The following KIRREL3 variants were observed in gnomAD, a reference collection of about 807,000 sequenced individuals.
KIRREL3 encodes the protein kirre like nephrin family adhesion molecule 3.
Under a neutral mutation model 89.7 loss-of-function variants are expected in KIRREL3, and 36 were observed. The ratio of observed to expected loss-of-function variants is 0.40; its 90% CI spans 0.31 to 0.53. The LOEUF (loss-of-function observed/expected upper bound fraction) is 0.53. KIRREL3 is among the 20% of genes least tolerant of loss of function. KIRREL3 has a pLI of 0.49. For missense variants in KIRREL3, 864 were observed against 1,056.6 expected, an observed-to-expected ratio of 0.82 and a Z score of 2.53; for synonymous variants, 445 against 441.4, an observed-to-expected ratio of 1.01 and a Z score of -0.10.
chr11:126,929,958 C>G (rs953412269), intron 1 of KIRREL3, among the ~76,000 whole-genome samples: 26 of 152,192 alleles, frequency 1.7e-4, no homozygotes, highest in African/African-American at 5.8e-4. Context: ...ACCCCCCCCC[C>G]CCCACCTCAC....
chr11:126,604,356 G>A (rs147931009), intron 1 of KIRREL3, among the ~76,000 whole-genome samples: 8 of 152,344 alleles, frequency 5.3e-5, no homozygotes, highest in African/African-American at 1.9e-4. Context: ...CATACTGGCT[G>A]CATTGCATTT....
Position 126,527,981 on chromosome 11 carries a change from C to T in KIRREL3, c.134-1294G>A, listed in dbSNP as rs990627235. Among the ~76,000 whole-genome samples the T allele has an allele frequency of 6.6e-6, 1 of 152,156 alleles. No individual in the cohort carries two copies. Among genetic ancestry groups the T allele is most frequent in the Non-Finnish European group, 1.5e-5 (1 of 68,026 alleles). ...AGTACAACCAGTACTTCATACAACC[C>T]CTCCTGTAATCCACTTAATTATACT... is the stretch of plus-strand genomic sequence containing the variant. On this transcript the variant is annotated intron_variant, in intron 2 of 16. Transcript: ENST00000525144. The surrounding 1 kb of genome is among the most constrained non-coding windows in gnomAD (Gnocchi z 4.2).
At chr11:126,718,374 G>T (rs991532373) in intron 1 of KIRREL3, among the ~76,000 whole-genome samples, 2 of 152,228 alleles carry the variant, frequency 1.3e-5, no homozygotes, top group African/African-American at 4.8e-5. Context: ...CCAAGAGGCT[G>T]CACGGAAATG....
intron 6 of KIRREL3, among the ~76,000 whole-genome samples, chr11:126,460,334 TGCGCTAGGGG>T (rs1956501791): frequency 6.6e-6 from 1 of 152,176 alleles, no homozygotes; most frequent in African/African-American, 2.4e-5. Context: ...TGTCAGACAC[TGCGCTAGGGG>T]GCTTGACAGG....
Position 126,570,246 on chromosome 11 carries a change from T to C in KIRREL3, c.56-7334A>G, listed in dbSNP as rs1345510259. On this transcript the variant is annotated intron_variant, in intron 1 of 16. Transcript: ENST00000525144. The surrounding 1 kb of genome is among the most constrained non-coding windows in gnomAD (Gnocchi z 6.1). ...TTGTTGTAAAGACATAATTGCTTCTTCATTGCTTATTTCATATGAGTTAAT... is the reference window on the plus strand; with the variant it reads ...TTGTTGTAAAGACATAATTGCTTCTCCATTGCTTATTTCATATGAGTTAAT... Among the ~76,000 whole-genome samples, 1 of 152,184 alleles carries C rather than the reference T, an allele frequency of 6.6e-6. No individual in the cohort carries two copies. Among genetic ancestry groups the C allele is most frequent in the Admixed American group, 6.5e-5 (1 of 15,280 alleles).
intron 1 of KIRREL3, among the ~76,000 whole-genome samples, chr11:126,922,538 C>T (rs1475752439): frequency 3.3e-5 from 5 of 152,016 alleles, no homozygotes; most frequent in African/African-American, 1.2e-4. Context: ...CGTTCCCTCC[C>T]ATACAAGGTG....
At position 126,888,910 on chromosome 11, in the gene KIRREL3, T is replaced by A. The variant is rs186200906; in HGVS notation, c.55+111545A>T. On this transcript the variant is annotated intron_variant, in intron 1 of 16. Transcript: ENST00000525144. Reference sequence around the variant, plus strand: ...CTCATGTTGATGTTCCTAACACTCCTATGGGGTGGGCAGGGAAGGCCTTAT... The same window carrying A: ...CTCATGTTGATGTTCCTAACACTCCAATGGGGTGGGCAGGGAAGGCCTTAT... 5.6e-3 allele frequency among the ~76,000 whole-genome samples: 859 copies of A among 152,316 alleles called. 4 individuals carry two copies. The highest frequency in any genetic ancestry group is 0.021 in the South Asian group (103 of 4,828).
chr11:126,473,341 C>T lies in KIRREL3; in HGVS notation c.559G>A (p.Gly187Arg). The part of the protein sequence containing the change: ...PAASIIWLRK[G>R]EVINGATYSK... ...TAGGTGGCCCCATTGATGACCTCTCCCTTTCGCAACCAGATGATGGAGGCT... is the reference window on the plus strand; with the variant it reads ...TAGGTGGCCCCATTGATGACCTCTCTCTTTCGCAACCAGATGATGGAGGCT... The change falls in exon 5 of 17, where the codon GGA (glycine) becomes AGA (arginine). Residue 187 changes from glycine to arginine, a missense_variant. Gly to Arg is a moderately radical substitution (Grantham distance 125). Transcript: ENST00000525144. The T allele has an allele frequency of 6.5e-7, 1 of 1,528,426 alleles. No homozygotes were observed. The highest frequency in any genetic ancestry group is 8.8e-7 in the Non-Finnish European group (1 of 1,136,698). 94.7% of individuals were successfully genotyped at this position (1,528,426 alleles called of 1,614,324 possible). A position where few individuals can be genotyped will look rare whatever the true frequency, so the allele number is the denominator to read the frequency against.
intron 11 of KIRREL3, among the ~76,000 whole-genome samples, chr11:126,437,729 T>G (rs1955411346): frequency 6.6e-6 from 1 of 152,050 alleles, no homozygotes; most frequent in Non-Finnish European, 1.5e-5. Context: ...CATGTACACA[T>G]GCACACACAC....
chr11:126,928,355 G>A (rs906578109), intron 1 of KIRREL3, among the ~76,000 whole-genome samples: 3 of 152,210 alleles, frequency 2.0e-5, no homozygotes, highest in Non-Finnish European at 2.9e-5. Context: ...AGTTGACTGG[G>A]GCCAGATGTC....
rs1939249785 is a variant in KIRREL3, at chr11:126,551,388, T to C, written c.133+11447A>G. Among the ~76,000 whole-genome samples, 1 of 152,130 alleles carries C rather than the reference T, an allele frequency of 6.6e-6. No individual in the cohort carries two copies. The highest frequency in any genetic ancestry group is 1.5e-5 in the Non-Finnish European group (1 of 68,020). The stretch of plus-strand genomic sequence containing the variant: ...GATCCTGTTTCCCGAGGCCTGCCCC[T>C]GAGGCCTAACACACCCAACATATGG... On this transcript the variant is annotated intron_variant, in intron 2 of 16. Coordinates refer to ENST00000525144, the MANE Select transcript of KIRREL3 (RefSeq NM_032531.4). This position sits in a 1 kb window ranked among gnomAD's most constrained non-coding sequence, Gnocchi z 4.9.
intron 1 of KIRREL3, among the ~76,000 whole-genome samples, chr11:126,838,932 C>T (rs995403199): frequency 1.2e-4 from 19 of 152,196 alleles, no homozygotes; most frequent in African/African-American, 4.6e-4. Flanking sequence ...GTGTCTCTCA[C>T]ATTCCTGCTC....
intron 1 of KIRREL3, among the ~76,000 whole-genome samples, chr11:126,693,731 A>C (rs969981720): frequency 1.3e-5 from 2 of 152,206 alleles, no homozygotes; most frequent in Admixed American, 6.5e-5. Context: ...ATTAATGTAA[A>C]TTGAGGCAGG....
At chr11:126,436,157 C>T (rs948220346) in intron 12 of KIRREL3, among the ~76,000 whole-genome samples, 2 of 152,190 alleles carry the variant, frequency 1.3e-5, no homozygotes, top group African/African-American at 4.8e-5. Context: ...CTTGTTCCTC[C>T]TGCCTCCTCC....
In KIRREL3 at chr11:126,748,800, T is replaced by C. The variant is rs1343501549; in HGVS notation, c.56-185888A>G. ...CTGTGCATGGGATCCTTTTGTAATC[T>C]GTAGGCTTCAGTCTATCCAGTGCCT... is the stretch of plus-strand genomic sequence containing the variant. On this transcript the variant is annotated intron_variant, in intron 1 of 16. Transcript: ENST00000525144. This position sits in a 1 kb window ranked among gnomAD's most constrained non-coding sequence, Gnocchi z 4.6. Among the ~76,000 whole-genome samples the C allele has an allele frequency of 6.6e-6, 1 of 152,218 alleles. No individual in the cohort carries two copies. The highest frequency in any genetic ancestry group is 2.4e-5 in the African/African-American group (1 of 41,468).
chr11:126,828,747 C>A (rs930495889), intron 1 of KIRREL3, among the ~76,000 whole-genome samples: 1 of 152,196 alleles, frequency 6.6e-6, no homozygotes, highest in Admixed American at 6.5e-5. Flanking sequence ...AAAGTGCCAG[C>A]TTTGAAATGC....
At chr11:126,712,269 G>GTA (rs1393221598) in intron 1 of KIRREL3, among the ~76,000 whole-genome samples, 1 of 151,184 alleles carries the variant, frequency 6.6e-6, no homozygotes, top group Non-Finnish European at 1.5e-5. Flanking sequence ...GGGCGAGTGT[G>GTA]TGTGTGTGTG....
At position 126,860,028 on chromosome 11, in the gene KIRREL3, A is replaced by G. The variant is rs1944655411; in HGVS notation, c.55+140427T>C. Among the ~76,000 whole-genome samples the G allele has an allele frequency of 6.6e-6, 1 of 152,268 alleles. No homozygotes were observed. The highest frequency in any genetic ancestry group is 3.4e-3 in the Middle Eastern group (1 of 294). ...AGAGCTGTATTAACTCTGACGTTCTACTATTGTCTGAGAAGCGTAATCTGA... is the reference window on the plus strand; with the variant it reads ...AGAGCTGTATTAACTCTGACGTTCTGCTATTGTCTGAGAAGCGTAATCTGA... On this transcript the variant is annotated intron_variant, in intron 1 of 16. Coordinates refer to ENST00000525144, the MANE Select transcript of KIRREL3 (RefSeq NM_032531.4). This position sits in a 1 kb window ranked among gnomAD's most constrained non-coding sequence, Gnocchi z 4.6.
At chr11:126,461,772 T>C (rs1209112621) in intron 6 of KIRREL3, among the ~76,000 whole-genome samples, 1 of 152,152 alleles carries the variant, frequency 6.6e-6, no homozygotes, top group Non-Finnish European at 1.5e-5. Context: ...TCCAGGTCCC[T>C]GGAGAGACAC....
Sources: gnomAD v4.1 joint callset for allele counts (sites outside exome capture counted in the v4.1 genomes callset) on GRCh38, gnomAD v4.1.1 for gene constraint, Gnocchi (gnomAD v3.1) non-coding constraint, MANE v1.5 for transcripts, NCBI Gene and HGNC (gene_info 2026-07-23, HGNC 2026-07-21) for gene names.